Variants in USH2A observed in about 807,000 individuals in gnomAD.
USH2A encodes the protein usherin, also known as Usher syndrome 2A (autosomal recessive, mild).
USH2A carries 443 observed loss-of-function variants against 538.9 expected under a neutral mutation model. The ratio of observed to expected loss-of-function variants is 0.82; its 90% confidence interval spans 0.76 to 0.89. The LOEUF (loss-of-function observed/expected upper bound fraction) is 0.89, where lower values mean the gene tolerates loss of function less well. USH2A is among the 40% of genes least tolerant of loss of function. The probability of loss-of-function intolerance (pLI) is 0.00; values close to 1 mark genes in which losing one functional copy is unlikely to be tolerated. For missense variants in USH2A, 6,633 were observed against 6,324.8 expected (o/e 1.05, Z -1.65); for synonymous variants, 2,413 against 2,273.5 (o/e 1.06, Z -1.75).
At chr1:216,401,859 C>A (rs1050675502) in intron 3 of USH2A, among the ~76,000 whole-genome samples, 2 of 152,044 alleles carry the variant, frequency 1.3e-5, no homozygotes, top group African/African-American at 4.8e-5. Context: ...TCAGGGACGT[C>A]AACAGCAAAC....
rs1251113868 is a variant in USH2A at position 215,900,090 on chromosome 1, T to C, written c.7579A>G (p.Met2527Val). Residue 2527 changes from methionine to valine, a missense_variant, in exon 40 of 72, where the codon ATG becomes GTG. By Grantham distance (21) the Met-to-Val change is conservative. Coordinates refer to ENST00000307340, the MANE Select transcript of USH2A (RefSeq NM_206933.4). ...GACCACTTACTGTCCTCTGCGGTCA[T>C]GAATGGAATCCAAGAACTATGTGCA... Reference protein sequence around the residue: ...GSAHSSWIPFMTAEDKPGPVV... With the variant: ...GSAHSSWIPFVTAEDKPGPVV... 4 of 1,613,736 alleles carry C rather than the reference T, an allele frequency of 2.5e-6. No individual in the cohort carries two copies. The highest frequency in any genetic ancestry group is 3.4e-6 in the Non-Finnish European group (4 of 1,179,748).
At chr1:216,151,358 C>G (rs1401933814) in intron 21 of USH2A, among the ~76,000 whole-genome samples, 1 of 152,144 alleles carries the variant, frequency 6.6e-6, no homozygotes, top group Non-Finnish European at 1.5e-5. Context: ...AATTGGACAG[C>G]CACATGTACA....
chr1:215,905,248 T>A (rs1433904855), intron 38 of USH2A, among the ~76,000 whole-genome samples: 1 of 152,098 alleles, frequency 6.6e-6, no homozygotes, highest in African/African-American at 2.4e-5. Flanking sequence ...GCTTTCCATA[T>A]GCACTGAATT....
intron 37 of USH2A, among the ~76,000 whole-genome samples, chr1:215,954,667 A>T (rs1210604246): frequency 6.6e-6 from 1 of 152,038 alleles, no homozygotes; most frequent in East Asian, 1.9e-4. Flanking sequence ...ATACATATGT[A>T]ACTAACCTGC....
At chr1:216,404,292 G>A (rs867272145) in intron 3 of USH2A, among the ~76,000 whole-genome samples, 2 of 151,932 alleles carry the variant, frequency 1.3e-5, no homozygotes, top group South Asian at 4.2e-4. Context: ...ACATCAACAA[G>A]CTTATTGTGA....
intron 58 of USH2A, among the ~76,000 whole-genome samples, chr1:215,746,680 G>T (rs1021026593): frequency 6.6e-6 from 1 of 152,122 alleles, no homozygotes; most frequent in Non-Finnish European, 1.5e-5. Context: ...GTCTTTCTTT[G>T]ATGATATTTA....
At chr1:216,355,502 T>C (rs374249936) in intron 4 of USH2A, among the ~76,000 whole-genome samples, 49 of 152,142 alleles carry the variant, frequency 3.2e-4, no homozygotes, top group African/African-American at 1.1e-3. Flanking sequence ...GTAACAGTAA[T>C]CAATGTAGAA....
intron 61 of USH2A, among the ~76,000 whole-genome samples, chr1:215,705,966 T>C (rs1484941103): frequency 6.6e-6 from 1 of 152,222 alleles, no homozygotes; most frequent in Non-Finnish European, 1.5e-5. Context: ...CAAAGGATGA[T>C]AACAATGAGT....
chr1:215,810,486 T>C (rs1181383878), intron 49 of USH2A, among the ~76,000 whole-genome samples: 3 of 152,156 alleles, frequency 2.0e-5, no homozygotes, highest in African/African-American at 4.8e-5. Context: ...GGACAGAGGA[T>C]ATTTTGTAGA....
chr1:216,034,031 A>G (rs1669188225), intron 32 of USH2A, among the ~76,000 whole-genome samples: 1 of 152,206 alleles, frequency 6.6e-6, no homozygotes, highest in Admixed American at 6.5e-5. Flanking sequence ...TGGAGTAAAA[A>G]CACTTGTAGC....
intron 9 of USH2A, among the ~76,000 whole-genome samples, chr1:216,297,701 C>T (rs1167179728): frequency 6.6e-6 from 1 of 152,048 alleles, no homozygotes; most frequent in Admixed American, 6.5e-5. Context: ...CTACGATCTG[C>T]TTTGGAGGAG....
rs1472771744 is a variant in USH2A, at chr1:215,675,021, G to A, written c.12890C>T (p.Ser4297Phe). 6.2e-7 allele frequency: 1 copy of A among 1,614,166 alleles called. No individual in the cohort carries two copies. Among genetic ancestry groups the A allele is most frequent in the Non-Finnish European group, 8.5e-7 (1 of 1,180,022 alleles). Residue 4297 changes from serine to phenylalanine, a missense_variant, in exon 63 of 72, where the codon TCC (serine) becomes TTC (phenylalanine). Transcript: ENST00000307340. The part of the protein sequence containing the change: ...PPEQSNGIIQ[S>F]YRLQRNEMLY... ...CATTTCATTCCTTTGAAGCCTATAG[G>A]ACTGGATAATACCATTAGACTGTTC...
In USH2A at chr1:215,743,333, T is replaced by A; in HGVS notation, c.11392A>T (p.Ile3798Phe). 2 of 1,594,872 alleles carry A rather than the reference T, an allele frequency of 1.3e-6. No homozygotes were observed. Reference protein sequence around the residue: ...SIFVAWIPPGILIPEIPVEYN... With the variant: ...SIFVAWIPPGFLIPEIPVEYN... ...TCCACAGGAATTTCGGGGATGAGGA[T>A]CCCTTTAAAGAGAGAGAGAGAGAGA... The change falls in exon 59 of 72, where the codon ATC becomes TTC. Residue 3798 changes from isoleucine to phenylalanine, a missense_variant and splice_region_variant. Physicochemically the swap from Ile to Phe is conservative, Grantham distance 21. Coordinates refer to ENST00000307340, the MANE Select transcript of USH2A (RefSeq NM_206933.4).
In USH2A at chr1:215,847,976, T is replaced by C. The variant is rs991976108; in HGVS notation, c.8846-1943A>G. 5.9e-5 allele frequency among the ~76,000 whole-genome samples: 9 copies of C among 152,182 alleles called. No individual in the cohort carries two copies. The East Asian group carries it at 1.7e-3, about 29-fold the overall frequency. On this transcript the variant is annotated intron_variant, in intron 44 of 71. Transcript: ENST00000307340. ...TGGAAGAGTTTGTATTGGAAGACCT[T>C]TAGCAATTAATTTGGAAAATTCTGG... is the stretch of plus-strand genomic sequence containing the variant.
At chr1:215,683,013 C>T (rs187075706) in intron 61 of USH2A, among the ~76,000 whole-genome samples, 7 of 152,086 alleles carry the variant, frequency 4.6e-5, no homozygotes, top group African/African-American at 9.6e-5. Context: ...CATGTACCAC[C>T]GTGTGTGGCT....
At chr1:215,817,233 A>G (rs954991268) in intron 47 of USH2A, 38 bp from the exon 48 acceptor site, 1 of 1,599,038 alleles carries the variant, frequency 6.3e-7, no homozygotes, top group African/African-American at 1.3e-5. Flanking sequence ...CTGAAAAGAC[A>G]CTATTTAACA....
Position 215,650,680 on chromosome 1 carries a change from A to C in USH2A, c.14255T>G (p.Val4752Gly), listed in dbSNP as rs759899509. ...TFHVISSTQA[V>G]VNISAPGKPN... is the part of the protein sequence containing the mutation. ...CTTCCCAGGGGCACTGATGTTGACC[A>C]CTGCTTGGGTAGAAGAGATCACATG... Residue 4752 changes from valine (V) to glycine (G), a missense_variant, in exon 65 of 72, where the codon GTG (valine) becomes GGG (glycine). Coordinates refer to ENST00000307340, the MANE Select transcript of USH2A (RefSeq NM_206933.4). The C allele has an allele frequency of 3.7e-6, 6 of 1,613,978 alleles. No individual in the cohort carries two copies. Among genetic ancestry groups the C allele is most frequent in the Middle Eastern group, 1.6e-4 (1 of 6,084 alleles).
chr1:215,938,031 A>T (rs1666550784), intron 37 of USH2A, among the ~76,000 whole-genome samples: 1 of 152,124 alleles, frequency 6.6e-6, no homozygotes, highest in Admixed American at 6.6e-5. Flanking sequence ...ACATTAATAC[A>T]TGGTAATTAT....
At chr1:216,319,868 A>T (rs1205494802) in intron 9 of USH2A, among the ~76,000 whole-genome samples, 1 of 152,176 alleles carries the variant, frequency 6.6e-6, no homozygotes, top group Non-Finnish European at 1.5e-5. Flanking sequence ...AAAAAGCAAG[A>T]TGCTCTATAA....
Sources: allele counts gnomAD v4.1 joint callset (sites outside exome capture counted in the v4.1 genomes callset), GRCh38; gene constraint gnomAD v4.1.1; transcripts MANE v1.5; gene names NCBI Gene and HGNC (gene_info 2026-07-23, HGNC 2026-07-21).